AP1AR: variants seen among roughly 807,000 people sequenced by gnomAD.
The protein encoded by AP1AR is AP-1 complex-associated regulatory protein.
Under a neutral mutation model 46.3 loss-of-function variants are expected in AP1AR, and 29 were observed. That is an observed-to-expected ratio of 0.63 (90% CI 0.47 to 0.85). The LOEUF (loss-of-function observed/expected upper bound fraction) is 0.85, where lower values mean the gene tolerates loss of function less well. AP1AR is among the 40% of genes least tolerant of loss of function. The pLI is 0.00. For missense variants in AP1AR, 357 were observed against 356.3 expected (o/e 1.00, Z -0.02); for synonymous variants, 122 against 122.9 (o/e 0.99, Z 0.05).
chr4:112,264,402 C>G (rs757689396), intron 6 of AP1AR, among the ~76,000 whole-genome samples: 1 of 152,094 alleles, frequency 6.6e-6, no homozygotes, highest in African/African-American at 2.4e-5. Flanking sequence ...CTGACACCCA[C>G]CAAGTCATTT....
At chr4:112,248,089 C>A (rs1725797852) in intron 1 of AP1AR, among the ~76,000 whole-genome samples, 1 of 152,010 alleles carries the variant, frequency 6.6e-6, no homozygotes, top group Non-Finnish European at 1.5e-5. Flanking sequence ...TACTAAAATG[C>A]AGGAAATACA....
intron 1 of AP1AR, among the ~76,000 whole-genome samples, chr4:112,234,281 A>G (rs1263003786): frequency 2.6e-5 from 4 of 152,224 alleles, no homozygotes; most frequent in Non-Finnish European, 5.9e-5. Context: ...GAATTCTCCA[A>G]TGAACATTTT....
At chr4:112,261,976 A>T (rs1287682141) in intron 5 of AP1AR, among the ~76,000 whole-genome samples, 2 of 151,988 alleles carry the variant, frequency 1.3e-5, no homozygotes, top group East Asian at 3.9e-4. Flanking sequence ...CTCAAAAAAA[A>T]AAAATAAATG....
At position 112,237,600 on chromosome 4, in the gene AP1AR, G is replaced by A. The variant is rs181891246; in HGVS notation, c.83+5426G>A. Among the ~76,000 whole-genome samples, 355 of 151,968 alleles carry A rather than the reference G, an allele frequency of 2.3e-3. 2 individuals carry two copies. Among genetic ancestry groups the A allele is most frequent in the African/African-American group, 8.2e-3 (340 of 41,428 alleles). On this transcript the variant is annotated intron_variant, in intron 1 of 9. Transcript: ENST00000274000. ...CTCCCAAGTAGCTGGGACTACAGGC[G>A]CAGGCCACCACGCTTGGCTAATTTT...
At chr4:112,261,842 C>A (rs1560612183) in intron 5 of AP1AR, among the ~76,000 whole-genome samples, 1 of 151,492 alleles carries the variant, frequency 6.6e-6, no homozygotes, top group Admixed American at 6.6e-5. Context: ...TGGTAGCATG[C>A]ACCTATAGTC....
chr4:112,262,273 C>T (rs1049810284), intron 5 of AP1AR, among the ~76,000 whole-genome samples: 2 of 152,164 alleles, frequency 1.3e-5, no homozygotes, highest in African/African-American at 4.8e-5. Flanking sequence ...TGCCATGGTA[C>T]TGCAGGCTGG....
At chr4:112,232,307 C>T (rs1462485050) in intron 1 of AP1AR, 133 bp downstream of exon 1, 2 of 756,640 alleles carry the variant, frequency 2.6e-6, no homozygotes, top group Non-Finnish European at 3.6e-6. Flanking sequence ...GCTTAGCAGA[C>T]GTCAGACTGG....
At chr4:112,266,194 C>T (rs1726696601) in intron 8 of AP1AR, among the ~76,000 whole-genome samples, 1 of 151,776 alleles carries the variant, frequency 6.6e-6, no homozygotes, top group Non-Finnish European at 1.5e-5. Flanking sequence ...AAAGCAAAAA[C>T]TCTTATGCTT....
chr4:112,253,196 T>A lies in AP1AR; in HGVS notation c.84-12T>A. ...ATTGTGTTTTTTAAAGTTATTCTGT[T>A]TTCCTTCCCAGATCCAAGTATTTTA... is the stretch of plus-strand genomic sequence containing the variant. On this transcript the variant is annotated splice_polypyrimidine_tract_variant and intron_variant, in intron 1 of 9. Coordinates refer to ENST00000274000, the MANE Select transcript of AP1AR (RefSeq NM_018569.6). The A allele has an allele frequency of 1.9e-6, 3 of 1,605,574 alleles. No individual in the cohort carries two copies. Among genetic ancestry groups the A allele is most frequent in the Non-Finnish European group, 2.6e-6 (3 of 1,175,538 alleles).
intron 1 of AP1AR, among the ~76,000 whole-genome samples, chr4:112,244,419 A>G (rs1457601671): frequency 6.6e-6 from 1 of 152,206 alleles, no homozygotes; most frequent in Non-Finnish European, 1.5e-5. Context: ...TAGTGGGTGA[A>G]CGGGCTGGAA....
At chr4:112,254,650 G>A (rs1419332971) in intron 2 of AP1AR, 97 bp from the exon 3 acceptor site, 4 of 668,256 alleles carry the variant, frequency 6.0e-6, no homozygotes, top group Admixed American at 6.6e-5. Flanking sequence ...AAATATAAAG[G>A]TATATTATTT....
At chr4:112,254,922 A>G (rs887280821) in intron 3 of AP1AR, 149 bp downstream of exon 3, 3 of 413,166 alleles carry the variant, frequency 7.3e-6, no homozygotes, top group Non-Finnish European at 1.2e-5. Context: ...GTTCTTTATT[A>G]TTTCCTTCTT....
At chr4:112,244,737 A>C (rs1004001150) in intron 1 of AP1AR, among the ~76,000 whole-genome samples, 3 of 152,014 alleles carry the variant, frequency 2.0e-5, no homozygotes, top group East Asian at 3.9e-4. Flanking sequence ...TACTCTTGCC[A>C]TTTTCTGTTG....
At chr4:112,238,071 C>A (rs1031545388) in intron 1 of AP1AR, among the ~76,000 whole-genome samples, 36 of 152,252 alleles carry the variant, frequency 2.4e-4, no homozygotes, top group African/African-American at 8.4e-4. Context: ...TATTTCAATG[C>A]AACTTTATTT....
intron 1 of AP1AR, among the ~76,000 whole-genome samples, chr4:112,245,501 A>G (rs1225258930): frequency 1.3e-5 from 2 of 152,188 alleles, no homozygotes; most frequent in East Asian, 1.9e-4. Context: ...AATTTTTTGT[A>G]CTAAGTCCTC....
chr4:112,245,331 TATTATCAGAAC>T (rs1347229633), intron 1 of AP1AR, among the ~76,000 whole-genome samples: 1 of 152,158 alleles, frequency 6.6e-6, no homozygotes, highest in Non-Finnish European at 1.5e-5. Context: ...AGGCTACACA[TATTATCAGAAC>T]ATGTATAGCA....
chr4:112,232,098 A>G lies in AP1AR; in HGVS notation c.7A>G (p.Asn3Asp). 2 of 1,344,934 alleles carry G rather than the reference A, an allele frequency of 1.5e-6. No individual in the cohort carries two copies. The highest frequency in any genetic ancestry group is 2.0e-5 in the South Asian group (1 of 51,242). 83.3% of individuals were successfully genotyped at this position (1,344,934 alleles called of 1,614,324 possible). A position where few individuals can be genotyped will look rare whatever the true frequency, so the allele number is the denominator to read the frequency against. Residue 3 changes from asparagine to aspartate, a missense_variant, in exon 1 of 10, where the codon AAC (asparagine) becomes GAC (aspartate). Transcript: ENST00000274000. MG[N>D]CCWTQCFGLL... ...GGCGCCTGGGCGGCATGCGATGGGG[A>G]ACTGCTGCTGGACGCAGTGCTTCGG...
At position 112,232,091 on chromosome 4, in the gene AP1AR, G is replaced by T; in HGVS notation, c.-1G>T. 7.4e-7 allele frequency: 1 copy of T among 1,348,498 alleles called. No homozygotes were observed. The highest frequency in any genetic ancestry group is 9.6e-7 in the Non-Finnish European group (1 of 1,042,088). The allele number at this position is 1,348,498 out of a possible 1,614,324, so 83.5% of individuals were successfully genotyped here. A position where few individuals can be genotyped will look rare whatever the true frequency, so the allele number is the denominator to read the frequency against. ...GAGCGGCGGCGCCTGGGCGGCATGC[G>T]ATGGGGAACTGCTGCTGGACGCAGT... On this transcript the variant is annotated 5_prime_UTR_variant, in exon 1 of 10. Coordinates refer to ENST00000274000, the MANE Select transcript of AP1AR (RefSeq NM_018569.6).
chr4:112,269,726 T>G lies in AP1AR; in HGVS notation c.*1317T>G, dbSNP rs1184413591. The G allele has an allele frequency of 6.6e-6, 1 of 152,424 alleles. No homozygotes were observed. Among genetic ancestry groups the G allele is most frequent in the Non-Finnish European group, 1.5e-5 (1 of 67,906 alleles). The allele number at this position is 152,424 out of a possible 1,614,324, so 9.4% of individuals were successfully genotyped here. The stretch of plus-strand genomic sequence containing the variant: ...AACTGCTAAGCAATGACATCTGTAG[T>G]TTTATCTCCTTTTTTATGTCATAGA... On this transcript the variant is annotated 3_prime_UTR_variant, in exon 10 of 10. Transcript: ENST00000274000.
Sources: gnomAD v4.1 joint callset for allele counts (sites outside exome capture counted in the v4.1 genomes callset) on GRCh38, gnomAD v4.1.1 for gene constraint, MANE v1.5 for transcripts, NCBI Gene and HGNC (gene_info 2026-07-23, HGNC 2026-07-21) for gene names.